CUX2: variants seen among roughly 807,000 people sequenced by gnomAD.
CUX2 encodes cut like homeobox 2.
A neutral mutation model predicts 144.8 loss-of-function variants in CUX2; 40 were observed. That is an observed-to-expected ratio of 0.28 (90% confidence interval 0.21 to 0.36). The LOEUF (loss-of-function observed/expected upper bound fraction) is 0.36, where lower values mean the gene tolerates loss of function less well. Ranked by LOEUF, CUX2 falls within the 10% of genes least tolerant of loss-of-function variation. The pLI is 1.00. For missense variants in CUX2, 1,615 were observed against 1,994.0 expected (o/e 0.81, Z 3.62); for synonymous variants, 827 against 875.6 (o/e 0.94, Z 0.98).
intron 1 of CUX2, among the ~76,000 whole-genome samples, chr12:111,083,425 A>G (rs1872021216): frequency 6.6e-6 from 1 of 152,178 alleles, no homozygotes; most frequent in Non-Finnish European, 1.5e-5. Flanking sequence ...TATGGGACCA[A>G]GGACAGATGG....
At position 111,310,452 on chromosome 12, in the gene CUX2, A is replaced by T; in HGVS notation, c.1670A>T (p.Glu557Val). The T allele has an allele frequency of 6.2e-7, 1 of 1,613,420 alleles. No individual in the cohort carries two copies. Among genetic ancestry groups the T allele is most frequent in the African/African-American group, 1.3e-5 (1 of 75,080 alleles). The change falls in exon 15 of 22, where the codon GAG (glutamate) becomes GTG (valine). Residue 557 changes from glutamate (E) to valine (V), a missense_variant. Glu to Val is a moderately radical substitution (Grantham distance 121). Coordinates refer to ENST00000261726, the MANE Select transcript of CUX2 (RefSeq NM_015267.4). This position sits in a 1 kb window ranked among gnomAD's most constrained non-coding sequence, Gnocchi z 7.9. ...GAEEEQLDTA[E>V]IAFQVKEQLL... ...GAGGAGGAGCAGCTGGACACGGCAG[A>T]GATCGCCTTCCAGGTGAAGGAGCAG...
chr12:111,035,693 C>A lies in CUX2; in HGVS notation c.63+1453C>A, dbSNP rs998330928. On this transcript the variant is annotated intron_variant, in intron 1 of 21. Transcript: ENST00000261726. This position sits in a 1 kb window ranked among gnomAD's most constrained non-coding sequence, Gnocchi z 6.0. Reference sequence around the variant, plus strand: ...TGGTTCCAGCACCCGCGCCTTCTCCCCGTCCTGGCCGCTTCCCAGTCCCCG... The same window carrying A: ...TGGTTCCAGCACCCGCGCCTTCTCCACGTCCTGGCCGCTTCCCAGTCCCCG... Among the ~76,000 whole-genome samples, 3 of 151,798 alleles carry A rather than the reference C, an allele frequency of 2.0e-5. No individual in the cohort carries two copies. The East Asian group carries it at 5.8e-4, about 29-fold the overall frequency.
intron 16 of CUX2, among the ~76,000 whole-genome samples, chr12:111,313,228 AT>A (rs1336966730): frequency 1.9e-3 from 264 of 140,482 alleles, no homozygotes; most frequent in Middle Eastern, 7.5e-3. Flanking sequence ...CACCTGGCTA[AT>A]TTTTTTTTTT....
intron 1 of CUX2, among the ~76,000 whole-genome samples, chr12:111,143,057 C>T (rs893869837): frequency 1.1e-4 from 17 of 152,188 alleles, no homozygotes; most frequent in African/African-American, 4.1e-4. Context: ...TACAAATGCC[C>T]ACTGTCTTTG....
Position 111,263,732 on chromosome 12 carries a change from C to A in CUX2, c.223-29C>A. Reference sequence around the variant, plus strand: ...TGCAGACACAGATGCCATGGTTACACGTGACTCTTTCTCTTGTTGTCTCCA... The same window carrying A: ...TGCAGACACAGATGCCATGGTTACAAGTGACTCTTTCTCTTGTTGTCTCCA... On this transcript the variant is annotated intron_variant, in intron 3 of 21. Transcript: ENST00000261726. The surrounding 1 kb of genome is among the most constrained non-coding windows in gnomAD (Gnocchi z 4.0). 6.4e-7 allele frequency: 1 copy of A among 1,571,032 alleles called. No homozygotes were observed. The highest frequency in any genetic ancestry group is 8.8e-7 in the Non-Finnish European group (1 of 1,141,306).
chr12:111,273,015 G>T (rs188044789), intron 4 of CUX2, among the ~76,000 whole-genome samples: 4 of 152,300 alleles, frequency 2.6e-5, no homozygotes, highest in Admixed American at 2.6e-4. Context: ...ATTAGCTTAT[G>T]CTCTGAGTGC....
chr12:111,290,868 T>TC (rs1491331345), intron 4 of CUX2, among the ~76,000 whole-genome samples: 1 of 89,534 alleles, frequency 1.1e-5, no homozygotes, highest in East Asian at 4.2e-4. Context: ...TCAGCCAACC[T>TC]TTTTTTTTTT....
At position 111,263,777 on chromosome 12, in the gene CUX2, A is replaced by G; in HGVS notation, c.239A>G (p.Lys80Arg). 6.2e-7 allele frequency: 1 copy of G among 1,613,998 alleles called. No individual in the cohort carries two copies. The highest frequency in any genetic ancestry group is 8.5e-7 in the Non-Finnish European group (1 of 1,179,928). Residue 80 changes from lysine to arginine, a missense_variant, in exon 4 of 22, where the codon AAG becomes AGG. Physicochemically the swap from Lys to Arg is conservative, Grantham distance 26. Coordinates refer to ENST00000261726, the MANE Select transcript of CUX2 (RefSeq NM_015267.4). The surrounding 1 kb of genome is among the most constrained non-coding windows in gnomAD (Gnocchi z 4.0). Reference protein sequence around the residue: ...SFQAEVVALSKRSQEAEAAFL... With the variant: ...SFQAEVVALSRRSQEAEAAFL... ...TCTCCAAAGGTGGTGGCCCTTAGTAAGAGAAGTCAGGAGGCGGAGGCTGCT... is the reference window on the plus strand; with the variant it reads ...TCTCCAAAGGTGGTGGCCCTTAGTAGGAGAAGTCAGGAGGCGGAGGCTGCT...
intron 1 of CUX2, among the ~76,000 whole-genome samples, chr12:111,158,110 G>T (rs758636637): frequency 6.6e-6 from 1 of 152,152 alleles, no homozygotes; most frequent in Non-Finnish European, 1.5e-5. Flanking sequence ...GGAGGCCAAC[G>T]ATGGAACGGA....
At position 111,174,340 on chromosome 12, in the gene CUX2, C is replaced by T. The variant is rs148057226; in HGVS notation, c.64-39860C>T. On this transcript the variant is annotated intron_variant, in intron 1 of 21. Transcript: ENST00000261726. ...CACGGGACGTGTCTGAATGAGTCCA[C>T]GCTCCTGCTTTCCAGGAAGTTTTCC... is the stretch of plus-strand genomic sequence containing the variant. Among the ~76,000 whole-genome samples, 14 of 152,320 alleles carry T rather than the reference C, an allele frequency of 9.2e-5. No homozygotes were observed. In the East Asian group the frequency reaches 1.5e-3, roughly 17 times the overall value.
In CUX2 at chr12:111,106,665, G is replaced by C. The variant is rs185916407; in HGVS notation, c.63+72425G>C. 2.0e-5 allele frequency among the ~76,000 whole-genome samples: 3 copies of C among 152,370 alleles called. No homozygotes were observed. The East Asian group carries it at 5.8e-4, about 29-fold the overall frequency. On this transcript the variant is annotated intron_variant, in intron 1 of 21. Transcript: ENST00000261726. ...GGTAGGTGCCAAGGAAGGGGTGATAGATTTTGACTGAGGCAATCCTGGAAG... is the reference window on the plus strand; with the variant it reads ...GGTAGGTGCCAAGGAAGGGGTGATACATTTTGACTGAGGCAATCCTGGAAG...
intron 1 of CUX2, among the ~76,000 whole-genome samples, chr12:111,082,743 G>A (rs1366734509): frequency 6.6e-6 from 1 of 152,202 alleles, no homozygotes; most frequent in African/African-American, 2.4e-5. Flanking sequence ...CCCCAGAGCA[G>A]AGCATGAGCA....
intron 21 of CUX2, among the ~76,000 whole-genome samples, chr12:111,346,794 C>G (rs556918154): frequency 6.6e-6 from 1 of 152,228 alleles, no homozygotes; most frequent in East Asian, 1.9e-4. Flanking sequence ...GGGTGGATCA[C>G]CTGAGGTCTG....
At chr12:111,226,901 G>C (rs1882177377) in intron 3 of CUX2, among the ~76,000 whole-genome samples, 1 of 152,244 alleles carries the variant, frequency 6.6e-6, no homozygotes, top group East Asian at 1.9e-4. Context: ...GCTTTTAATG[G>C]ACTGCATTAT....
In CUX2 at chr12:111,347,824, G is replaced by T. The variant is rs1367175929; in HGVS notation, c.3960G>T (p.Glu1320Asp). The change falls in exon 22 of 22, where the codon GAG (glutamate) becomes GAT (aspartate). Residue 1320 changes from glutamate to aspartate, a missense_variant. Physicochemically the swap from Glu to Asp is conservative, Grantham distance 45. Transcript: ENST00000261726. ...GCAGCCAGCCCCAGGACTCAGGGGAGCTGGACAAAGGCCAAGGTCCCCCCA... is the reference window on the plus strand; with the variant it reads ...GCAGCCAGCCCCAGGACTCAGGGGATCTGGACAAAGGCCAAGGTCCCCCCA... ...EAGSQPQDSG[E>D]LDKGQGPPKE... The T allele has an allele frequency of 1.1e-5, 18 of 1,613,914 alleles. No individual in the cohort carries two copies. The highest frequency in any genetic ancestry group is 9.3e-5 in the African/African-American group (7 of 74,890).
chr12:111,275,526 A>G (rs528756373), intron 4 of CUX2, among the ~76,000 whole-genome samples: 11 of 152,206 alleles, frequency 7.2e-5, no homozygotes, highest in Non-Finnish European at 1.6e-4. Flanking sequence ...GCTGAGCCCA[A>G]CAGAAACCTG....
intron 1 of CUX2, among the ~76,000 whole-genome samples, chr12:111,070,069 T>C (rs2136029363): frequency 6.6e-6 from 1 of 152,276 alleles, no homozygotes; most frequent in African/African-American, 2.4e-5. Flanking sequence ...CTGCCTTCCC[T>C]GACTTGAGGC....
intron 15 of CUX2, among the ~76,000 whole-genome samples, chr12:111,311,177 C>A (rs1470596920): frequency 6.6e-6 from 1 of 152,222 alleles, no homozygotes; most frequent in Non-Finnish European, 1.5e-5. Flanking sequence ...CTGTCAGCCT[C>A]CAGGAGGCAC....
intron 1 of CUX2, among the ~76,000 whole-genome samples, chr12:111,142,886 G>A (rs1483947367): frequency 1.3e-5 from 2 of 152,116 alleles, no homozygotes; most frequent in African/African-American, 2.4e-5. Flanking sequence ...GTCAAGAAGC[G>A]ATGTGCCAAT....
Sources: allele counts gnomAD v4.1 joint callset (sites outside exome capture counted in the v4.1 genomes callset), GRCh38; gene constraint gnomAD v4.1.1; non-coding constraint Gnocchi (gnomAD v3.1); transcripts MANE v1.5; gene names NCBI Gene and HGNC (gene_info 2026-07-23, HGNC 2026-07-21).